Variants in ATP2B2 observed in about 807,000 individuals in gnomAD.
The protein encoded by ATP2B2 is plasma membrane calcium-transporting ATPase 2.
ATP2B2 carries 15 observed loss-of-function variants against 120.0 expected under a neutral mutation model. That is an observed-to-expected ratio of 0.12 (90% CI 0.08 to 0.19). ATP2B2 has a LOEUF of 0.19. Ranked by LOEUF, ATP2B2 falls within the 10% of genes least tolerant of loss-of-function variation. ATP2B2 has a pLI of 1.00. For missense variants in ATP2B2, 1,045 were observed against 1,719.8 expected (o/e 0.61, Z 6.94); for synonymous variants, 694 against 700.3 (o/e 0.99, Z 0.14).
At chr3:10,410,591 G>A (rs910938673) in intron 3 of ATP2B2, 27 bp downstream of exon 3, 48 of 1,579,374 alleles carry the variant, frequency 3.0e-5, no homozygotes, top group Middle Eastern at 1.7e-4. Context: ...TGTGCGGGGC[G>A]GTTCGTGGGT....
Position 10,343,055 on chromosome 3 carries a change from C to T in ATP2B2, c.2704-90G>A. 7.1e-7 allele frequency: 1 copy of T among 1,405,020 alleles called. No homozygotes were observed. The highest frequency in any genetic ancestry group is 9.9e-7 in the Non-Finnish European group (1 of 1,005,720). The allele number at this position is 1,405,020 out of a possible 1,614,324, so 87.0% of individuals were successfully genotyped here. ...GCTCATGGTGTAGTGTCCGCAGGCT[C>T]CTGCTGGAGGCTGGAGTCCGACCTG... On this transcript the variant is annotated intron_variant, in intron 18 of 22. Transcript: ENST00000360273. This position sits in a 1 kb window ranked among gnomAD's most constrained non-coding sequence, Gnocchi z 4.2.
Position 10,441,838 on chromosome 3 carries a change from G to T in ATP2B2, c.199+7507C>A, listed in dbSNP as rs78624569. On this transcript the variant is annotated intron_variant, in intron 2 of 22. Transcript: ENST00000360273. ...AGATGTTCCATCAGTTCTAGGAGGT[G>T]GGTGTTATTATCATATCATTTACAG... Among the ~76,000 whole-genome samples, 98 of 152,306 alleles carry T rather than the reference G, an allele frequency of 6.4e-4. 1 individual carries two copies. In the East Asian group the frequency reaches 0.015, roughly 24 times the overall value.
intron 2 of ATP2B2, among the ~76,000 whole-genome samples, chr3:10,604,273 C>T (rs1235362845): frequency 6.6e-6 from 1 of 152,184 alleles, no homozygotes; most frequent in Admixed American, 6.5e-5. Flanking sequence ...CCTGTTAAGA[C>T]ATCCACCCAC....
chr3:10,569,949 T>C lies in ATP2B2; in HGVS notation c.-414-35816A>G, dbSNP rs116969077. ...AGGAGTTGAAAGACAGAAAACAAAA[T>C]TGGGAAGCTAAACTGGTAGCCTAGC... On this transcript the variant is annotated intron_variant, in intron 2 of 21. Transcript: ENST00000646379. Among the ~76,000 whole-genome samples, 460 of 152,260 alleles carry C rather than the reference T, an allele frequency of 3.0e-3. 19 individuals carry two copies. The East Asian group carries it at 0.074, about 25-fold the overall frequency.
chr3:10,422,333 C>T (rs1022368057), intron 2 of ATP2B2, among the ~76,000 whole-genome samples: 4 of 152,178 alleles, frequency 2.6e-5, no homozygotes, highest in Non-Finnish European at 4.4e-5. Flanking sequence ...TGATATCGGT[C>T]TGTATGGGCT....
intron 2 of ATP2B2, among the ~76,000 whole-genome samples, chr3:10,541,335 T>C (rs995395792): frequency 4.6e-5 from 7 of 152,208 alleles, no homozygotes; most frequent in Non-Finnish European, 7.3e-5. Flanking sequence ...CTCTTCCTTT[T>C]CTGGCTTCTC....
At chr3:10,610,083 AC>A (rs2069189135) in intron 2 of ATP2B2, among the ~76,000 whole-genome samples, 1 of 145,402 alleles carries the variant, frequency 6.9e-6, no homozygotes. Context: ...ACATACACAC[AC>A]ACACACACAC....
chr3:10,471,201 C>T (rs967436417), intron 1 of ATP2B2, among the ~76,000 whole-genome samples: 2 of 152,198 alleles, frequency 1.3e-5, no homozygotes, highest in South Asian at 2.1e-4. Context: ...GTGTCTCCAG[C>T]GCGCGGCTGT....
chr3:10,527,845 ACTGCAGAAGT>A (rs2067129388), intron 3 of ATP2B2, among the ~76,000 whole-genome samples: 1 of 152,186 alleles, frequency 6.6e-6, no homozygotes, highest in Non-Finnish European at 1.5e-5. Context: ...ACCTACAGTC[ACTGCAGAAGT>A]CTGCAGCGTA....
rs7616000 is a variant in ATP2B2 at position 10,379,423 on chromosome 3, A to G, written c.1001-139T>C. Reference sequence around the variant, plus strand: ...TGACTGCATCCCTCTGTGTGGGGATACGGGTTGGGGAGGGCCCTGAAGCAG... The same window carrying G: ...TGACTGCATCCCTCTGTGTGGGGATGCGGGTTGGGGAGGGCCCTGAAGCAG... On this transcript the variant is annotated intron_variant, in intron 8 of 22. Transcript: ENST00000360273. 0.26 allele frequency: 260,240 copies of G among 991,044 alleles called. 36,800 individuals are homozygous for G. Among genetic ancestry groups the G allele is most frequent in the African/African-American group, 0.39 (24,132 of 62,228 alleles). The allele number at this position is 991,044 out of a possible 1,614,324, so 61.4% of individuals were successfully genotyped here.
At chr3:10,553,735 C>G (rs1350292111) in intron 2 of ATP2B2, among the ~76,000 whole-genome samples, 1 of 152,108 alleles carries the variant, frequency 6.6e-6, no homozygotes, top group Admixed American at 6.5e-5. Flanking sequence ...GCTTTTAGTG[C>G]CTGCAGCTCT....
intron 1 of ATP2B2, among the ~76,000 whole-genome samples, chr3:10,645,066 T>C (rs1413817854): frequency 2.6e-5 from 4 of 151,960 alleles, no homozygotes; most frequent in African/African-American, 9.7e-5. Flanking sequence ...TCAAATGGTT[T>C]AGGAAAAAAA....
chr3:10,420,521 C>G (rs1260593763), intron 2 of ATP2B2, among the ~76,000 whole-genome samples: 1 of 152,226 alleles, frequency 6.6e-6, no homozygotes, highest in Non-Finnish European at 1.5e-5. Flanking sequence ...GCCACCATGC[C>G]TGGCTAATTT....
intron 2 of ATP2B2, among the ~76,000 whole-genome samples, chr3:10,545,019 T>C (rs552814183): frequency 6.6e-6 from 1 of 152,214 alleles, no homozygotes; most frequent in East Asian, 1.9e-4. Flanking sequence ...TAAACTGTAA[T>C]ATCGTCATGG....
chr3:10,637,899 A>G (rs1483601052), intron 1 of ATP2B2, among the ~76,000 whole-genome samples: 1 of 152,092 alleles, frequency 6.6e-6, no homozygotes, highest in Non-Finnish European at 1.5e-5. Flanking sequence ...AGAAGCAGCC[A>G]GAAAAAAAAA....
In ATP2B2 at chr3:10,616,317, A is replaced by G. The variant is rs188327899; in HGVS notation, c.-415+3600T>C. On this transcript the variant is annotated intron_variant, in intron 2 of 21. Transcript: ENST00000646379. Reference sequence around the variant, plus strand: ...TGTCTTTATAAGAAAAAATTTGAGCACAGACATATTCAGAAGGTGAGGATA... The same window carrying G: ...TGTCTTTATAAGAAAAAATTTGAGCGCAGACATATTCAGAAGGTGAGGATA... Among the ~76,000 whole-genome samples the G allele has an allele frequency of 5.9e-5, 9 of 152,350 alleles. No homozygotes were observed. The East Asian group carries it at 1.7e-3, about 29-fold the overall frequency.
chr3:10,594,395 T>G (rs1003710753), intron 2 of ATP2B2, among the ~76,000 whole-genome samples: 29 of 152,068 alleles, frequency 1.9e-4, no homozygotes, highest in African/African-American at 5.8e-4. Context: ...CCATAAAAAA[T>G]GATGAGTTCA....
intron 1 of ATP2B2, among the ~76,000 whole-genome samples, chr3:10,661,375 A>C (rs979197704): frequency 1.3e-5 from 2 of 152,230 alleles, no homozygotes; most frequent in Non-Finnish European, 2.9e-5. Flanking sequence ...AAATCTCCTT[A>C]AGCTGAATAA....
chr3:10,695,256 GAGAGA>G (rs2071726154), intron 1 of ATP2B2, among the ~76,000 whole-genome samples: 4 of 137,854 alleles, frequency 2.9e-5, no homozygotes, highest in African/African-American at 1.0e-4. Flanking sequence ...GGGAGGGAGA[GAGAGA>G]GAGAGAGAGA....
Sources: allele counts gnomAD v4.1 joint callset (sites outside exome capture counted in the v4.1 genomes callset), GRCh38; gene constraint gnomAD v4.1.1; non-coding constraint Gnocchi (gnomAD v3.1); transcripts MANE v1.5; gene names NCBI Gene and HGNC (gene_info 2026-07-23, HGNC 2026-07-21).